Variants in CYP2C19 observed in about 807,000 individuals in gnomAD.
CYP2C19 encodes the protein cytochrome P450 family 2 subfamily C member 19.
In CYP2C19, 59 loss-of-function variants were observed where a neutral mutation model predicts 40.9. That is an observed-to-expected ratio of 1.44 (90% CI 1.17 to 1.79). The LOEUF (loss-of-function observed/expected upper bound fraction) is 1.79. CYP2C19 is among the 40% of genes most tolerant of loss of function. The probability of loss-of-function intolerance (pLI) is 0.00; values close to 1 mark genes in which losing one functional copy is unlikely to be tolerated. For missense variants in CYP2C19, 754 were observed against 596.9 expected (o/e 1.26, Z -2.74); for synonymous variants, 253 against 208.7 (o/e 1.21, Z -1.83).
intron 1 of CYP2C19, among the ~76,000 whole-genome samples, chr10:94,770,306 G>A (rs1848310125): frequency 6.6e-6 from 1 of 152,146 alleles, no homozygotes; most frequent in African/African-American, 2.4e-5. Flanking sequence ...GCAGACATGG[G>A]TGAGGGGGTG....
At chr10:94,849,468 T>C (rs987408205) in intron 7 of CYP2C19, among the ~76,000 whole-genome samples, 1 of 151,934 alleles carries the variant, frequency 6.6e-6, no homozygotes, top group African/African-American at 2.4e-5. Context: ...TATAGGACTT[T>C]GGGATTTTTT....
chr10:94,807,271 C>T (rs927920927), intron 5 of CYP2C19, among the ~76,000 whole-genome samples: 4 of 152,048 alleles, frequency 2.6e-5, no homozygotes, highest in Non-Finnish European at 4.4e-5. Flanking sequence ...ATACATACCA[C>T]GTTTTCTTTA....
intron 5 of CYP2C19, among the ~76,000 whole-genome samples, chr10:94,790,645 G>A (rs375971177): frequency 1.3e-5 from 2 of 152,184 alleles, no homozygotes; most frequent in African/African-American, 2.4e-5. Context: ...GATGGATTAC[G>A]TTTATTGATT....
At chr10:94,773,304 G>T (rs1000590774) in intron 1 of CYP2C19, among the ~76,000 whole-genome samples, 1 of 152,194 alleles carries the variant, frequency 6.6e-6, no homozygotes, top group African/African-American at 2.4e-5. Flanking sequence ...CATGGTGAGT[G>T]TTACAGTTCT....
chr10:94,821,927 C>T (rs750150293), intron 6 of CYP2C19, among the ~76,000 whole-genome samples: 6 of 152,024 alleles, frequency 3.9e-5, no homozygotes, highest in Non-Finnish European at 7.4e-5. Context: ...GGTTCTCCAA[C>T]CCACATCCCT....
chr10:94,792,756 A>T (rs1241029694), intron 5 of CYP2C19, among the ~76,000 whole-genome samples: 1 of 152,124 alleles, frequency 6.6e-6, no homozygotes, highest in African/African-American at 2.4e-5. Flanking sequence ...TTTGGGGGTA[A>T]CCCAACCTTT....
intron 5 of CYP2C19, among the ~76,000 whole-genome samples, chr10:94,818,791 C>A (rs1340893271): frequency 1.0e-4 from 15 of 149,748 alleles, no homozygotes; most frequent in East Asian, 2.0e-4. Flanking sequence ...AGATTTTGGG[C>A]TGAGACGATG....
chr10:94,787,434 A>C (rs1002320757), intron 5 of CYP2C19, among the ~76,000 whole-genome samples: 3 of 152,038 alleles, frequency 2.0e-5, no homozygotes, highest in Non-Finnish European at 4.4e-5. Context: ...TTTTGTCCCC[A>C]TTCTGTAGGT....
At chr10:94,800,437 G>A (rs1181081956) in intron 5 of CYP2C19, among the ~76,000 whole-genome samples, 1 of 152,142 alleles carries the variant, frequency 6.6e-6, no homozygotes, top group Non-Finnish European at 1.5e-5. Flanking sequence ...GTGTCTGTTG[G>A]CCCCTACTGG....
chr10:94,770,183 C>T (rs188025128), intron 1 of CYP2C19, among the ~76,000 whole-genome samples: 1 of 152,096 alleles, frequency 6.6e-6, no homozygotes, highest in Non-Finnish European at 1.5e-5. Context: ...CATGGGCTGG[C>T]ACTTACCCTG....
intron 5 of CYP2C19, among the ~76,000 whole-genome samples, chr10:94,794,178 C>A (rs74434269): frequency 6.6e-6 from 1 of 152,172 alleles, no homozygotes; most frequent in Non-Finnish European, 1.5e-5. Flanking sequence ...GATATAATCT[C>A]CTGGTGTGCC....
At chr10:94,833,377 T>C (rs572172819) in intron 6 of CYP2C19, among the ~76,000 whole-genome samples, 23 of 152,326 alleles carry the variant, frequency 1.5e-4, no homozygotes, top group African/African-American at 5.3e-4. Context: ...CCACTCAGTA[T>C]GGTACTAGTA....
chr10:94,826,433 G>A (rs1849223225), intron 6 of CYP2C19, among the ~76,000 whole-genome samples: 1 of 152,150 alleles, frequency 6.6e-6, no homozygotes, highest in African/African-American at 2.4e-5. Flanking sequence ...GTGAATGGTA[G>A]TTCACTCATG....
intron 7 of CYP2C19, among the ~76,000 whole-genome samples, chr10:94,848,603 A>G (rs1339611356): frequency 1.3e-5 from 2 of 152,144 alleles, no homozygotes. Flanking sequence ...AGTTTTTCCA[A>G]TTCTGTGAAG....
At chr10:94,840,031 G>T (rs1322479942) in intron 6 of CYP2C19, among the ~76,000 whole-genome samples, 1 of 151,990 alleles carries the variant, frequency 6.6e-6, no homozygotes, top group Non-Finnish European at 1.5e-5. Flanking sequence ...GGTGAGGTGT[G>T]CTCACAATGA....
At chr10:94,802,154 A>C (rs1848775860) in intron 5 of CYP2C19, among the ~76,000 whole-genome samples, 1 of 151,834 alleles carries the variant, frequency 6.6e-6, no homozygotes, top group African/African-American at 2.4e-5. Context: ...TGATTGGTCC[A>C]TTTACAGTGT....
intron 6 of CYP2C19, among the ~76,000 whole-genome samples, chr10:94,835,646 A>G (rs1487125350): frequency 6.6e-6 from 1 of 152,070 alleles, no homozygotes; most frequent in Non-Finnish European, 1.5e-5. Flanking sequence ...GTTTCTGTAC[A>G]GCCAATAATA....
rs1203567065 is a variant in CYP2C19, at chr10:94,762,681, G to A, written c.-25G>A. Reference sequence around the variant, plus strand: ...AAGCTTGGAGTGCAAGCTCACGGTTGTCTTAACAAGAGGAGAAGGCTTCAA... The same window carrying A: ...AAGCTTGGAGTGCAAGCTCACGGTTATCTTAACAAGAGGAGAAGGCTTCAA... On this transcript the variant is annotated 5_prime_UTR_variant, in exon 1 of 9. Coordinates refer to ENST00000371321, the MANE Select transcript of CYP2C19 (RefSeq NM_000769.4). 2.5e-6 allele frequency: 4 copies of A among 1,610,618 alleles called. No homozygotes were observed. The highest frequency in any genetic ancestry group is 1.3e-5 in the African/African-American group (1 of 74,834).
chr10:94,779,302 A>C (rs1032783352), intron 3 of CYP2C19, among the ~76,000 whole-genome samples: 5 of 152,142 alleles, frequency 3.3e-5, no homozygotes, highest in Non-Finnish European at 7.3e-5. Context: ...AAAAATATAA[A>C]GTTTAACAAT....
Sources: allele counts gnomAD v4.1 joint callset (sites outside exome capture counted in the v4.1 genomes callset), GRCh38; gene constraint gnomAD v4.1.1; transcripts MANE v1.5; gene names NCBI Gene and HGNC (gene_info 2026-07-23, HGNC 2026-07-21).